The following FNTB variants were observed in gnomAD, a reference collection of about 807,000 sequenced individuals.
FNTB encodes the protein protein farnesyltransferase subunit beta.
In FNTB, 27 loss-of-function variants were observed where a neutral mutation model predicts 59.4. That is an observed-to-expected ratio of 0.45 (90% CI 0.34 to 0.63). FNTB has a LOEUF of 0.63. FNTB is among the 20% of genes least tolerant of loss of function. FNTB has a pLI of 0.02. For synonymous variants in FNTB, 230 were observed against 220.7 expected (o/e 1.04, Z -0.37); for missense variants, 449 against 559.6 (o/e 0.80, Z 1.99).
intron 2 of FNTB, among the ~76,000 whole-genome samples, chr14:65,008,294 G>T (rs2061627405): frequency 6.6e-6 from 1 of 152,180 alleles, no homozygotes; most frequent in South Asian, 2.1e-4. Context: ...CCAGGTTTGG[G>T]GGGAGGAAGT....
At chr14:65,000,155 T>C (rs1037732779) in intron 1 of FNTB, among the ~76,000 whole-genome samples, 3 of 152,174 alleles carry the variant, frequency 2.0e-5, no homozygotes, top group African/African-American at 7.2e-5. Context: ...CGTATGGATT[T>C]GAATAGGCTT....
chr14:65,021,569 A>G (rs2061886523), intron 4 of FNTB, among the ~76,000 whole-genome samples: 1 of 152,080 alleles, frequency 6.6e-6, no homozygotes, highest in African/African-American at 2.4e-5. Context: ...GCTGCTAAAT[A>G]TCCTCTACAG....
intron 1 of FNTB, among the ~76,000 whole-genome samples, chr14:65,002,551 G>A (rs1420548502): frequency 6.6e-6 from 1 of 152,162 alleles, no homozygotes; most frequent in African/African-American, 2.4e-5. Flanking sequence ...GGAGGTTGCG[G>A]TGAGCCGAGA....
chr14:65,042,612 G>A (rs1379427538), intron 8 of FNTB, among the ~76,000 whole-genome samples: 1 of 152,226 alleles, frequency 6.6e-6, no homozygotes, highest in African/African-American at 2.4e-5. Context: ...ATGGTCTGGG[G>A]GTTAGGGACC....
chr14:65,028,237 C>T lies in FNTB; in HGVS notation c.605+456C>T, dbSNP rs987076504. Among the ~76,000 whole-genome samples, 1 of 152,132 alleles carries T rather than the reference C, an allele frequency of 6.6e-6. No individual in the cohort carries two copies. Among genetic ancestry groups the T allele is most frequent in the Non-Finnish European group, 1.5e-5 (1 of 68,024 alleles). On this transcript the variant is annotated intron_variant, in intron 6 of 11. Transcript: ENST00000246166. This position sits in a 1 kb window ranked among gnomAD's most constrained non-coding sequence, Gnocchi z 4.4. ...CACATGAGAGTTTTTCTGGGAGGTG[C>T]AGAGAGCCTTGTGGGCCGGGAGAGT...
chr14:65,022,393 T>C (rs575729567), intron 4 of FNTB, among the ~76,000 whole-genome samples: 1 of 152,188 alleles, frequency 6.6e-6, no homozygotes, highest in Non-Finnish European at 1.5e-5. Context: ...GCTGAAGTTT[T>C]TTATGTAACC....
chr14:65,056,175 T>G (rs1461119941), intron 11 of FNTB, among the ~76,000 whole-genome samples: 1 of 152,258 alleles, frequency 6.6e-6, no homozygotes, highest in African/African-American at 2.4e-5. Context: ...TACCAGTCAT[T>G]CTGCATTGCT....
chr14:65,010,744 T>TG (rs2061669388), intron 2 of FNTB, among the ~76,000 whole-genome samples: 1 of 152,132 alleles, frequency 6.6e-6, no homozygotes, highest in South Asian at 2.1e-4. Context: ...GATCCTTGTT[T>TG]TTTTGTTTGT....
intron 2 of FNTB, among the ~76,000 whole-genome samples, chr14:65,008,338 G>A (rs778061200): frequency 1.3e-5 from 2 of 152,214 alleles, no homozygotes; most frequent in Non-Finnish European, 2.9e-5. Flanking sequence ...CTGCCTTTGT[G>A]TGATCCTCTC....
In FNTB at chr14:65,028,995, A is replaced by G. The variant is rs909375711; in HGVS notation, c.605+1214A>G. 9.9e-5 allele frequency among the ~76,000 whole-genome samples: 15 copies of G among 152,150 alleles called. No homozygotes were observed. Among genetic ancestry groups the G allele is most frequent in the African/African-American group, 3.6e-4 (15 of 41,450 alleles). The stretch of plus-strand genomic sequence containing the variant: ...CCTTTTGCAGCTGTGATTATTTGCT[A>G]TCTTATTCATTCCAGCACTTTTTTT... On this transcript the variant is annotated intron_variant, in intron 6 of 11. Transcript: ENST00000246166. The surrounding 1 kb of genome is among the most constrained non-coding windows in gnomAD (Gnocchi z 4.4).
intron 2 of FNTB, among the ~76,000 whole-genome samples, chr14:65,005,191 T>C (rs2061561549): frequency 6.6e-6 from 1 of 152,240 alleles, no homozygotes; most frequent in South Asian, 2.1e-4. Context: ...TCCTGTGAGG[T>C]CAGGTATTTT....
At chr14:65,000,905 T>G (rs948272320) in intron 1 of FNTB, among the ~76,000 whole-genome samples, 6 of 151,072 alleles carry the variant, frequency 4.0e-5, no homozygotes, top group African/African-American at 1.5e-4. Flanking sequence ...ATTCCTAAAT[T>G]GTTTACCAAG....
intron 7 of FNTB, among the ~76,000 whole-genome samples, chr14:65,034,353 T>C (rs148676846): frequency 2.0e-5 from 3 of 152,260 alleles, no homozygotes; most frequent in African/African-American, 4.8e-5. Flanking sequence ...CATGAAGTAT[T>C]GTACTCCAAC....
rs1034900425 is a variant in FNTB at position 65,028,551 on chromosome 14, A to T, written c.605+770A>T. Among the ~76,000 whole-genome samples, 2 of 152,242 alleles carry T rather than the reference A, an allele frequency of 1.3e-5. No homozygotes were observed. Among genetic ancestry groups the T allele is most frequent in the African/African-American group, 4.8e-5 (2 of 41,456 alleles). ...TTTGCTTCTACACAAGTTGATTAAT[A>T]GTCTGGCTTAAGCATCTGGTTTAAC... On this transcript the variant is annotated intron_variant, in intron 6 of 11. Coordinates refer to ENST00000246166, the MANE Select transcript of FNTB (RefSeq NM_002028.4). This position sits in a 1 kb window ranked among gnomAD's most constrained non-coding sequence, Gnocchi z 4.4.
chr14:65,004,582 G>C (rs2061552867), intron 2 of FNTB, among the ~76,000 whole-genome samples: 1 of 152,186 alleles, frequency 6.6e-6, no homozygotes, highest in African/African-American at 2.4e-5. Context: ...AAGATGGAGA[G>C]AGGAATTCCA....
intron 11 of FNTB, among the ~76,000 whole-genome samples, chr14:65,060,216 ACAAT>A (rs2062830941): frequency 6.7e-6 from 1 of 148,996 alleles, no homozygotes; most frequent in African/African-American, 2.4e-5. Context: ...AAAATGAAAA[ACAAT>A]CATATCACTA....
At chr14:65,041,122 A>G (rs991650224) in intron 8 of FNTB, among the ~76,000 whole-genome samples, 2 of 152,128 alleles carry the variant, frequency 1.3e-5, no homozygotes, top group African/African-American at 2.4e-5. Flanking sequence ...AGCTTTTTAC[A>G]TAGTGTGTAG....
intron 1 of FNTB, among the ~76,000 whole-genome samples, chr14:65,002,902 C>G (rs72728234): frequency 1.5e-3 from 225 of 152,238 alleles, no homozygotes; most frequent in Non-Finnish European, 2.3e-3. Context: ...ACTTCAAAGT[C>G]TGAAAAACAT....
At position 65,028,205 on chromosome 14, in the gene FNTB, C is replaced by T. The variant is rs1035233451; in HGVS notation, c.605+424C>T. ...GAGAATGTCTAATCCCTGAGGTCCTCCTGAGGCACATGAGAGTTTTTCTGG... is the reference window on the plus strand; with the variant it reads ...GAGAATGTCTAATCCCTGAGGTCCTTCTGAGGCACATGAGAGTTTTTCTGG... On this transcript the variant is annotated intron_variant, in intron 6 of 11. Transcript: ENST00000246166. This position sits in a 1 kb window ranked among gnomAD's most constrained non-coding sequence, Gnocchi z 4.4. Among the ~76,000 whole-genome samples the T allele has an allele frequency of 6.6e-6, 1 of 152,164 alleles. No individual in the cohort carries two copies. Among genetic ancestry groups the T allele is most frequent in the African/African-American group, 2.4e-5 (1 of 41,430 alleles).
Sources: allele counts gnomAD v4.1 joint callset (sites outside exome capture counted in the v4.1 genomes callset), GRCh38; gene constraint gnomAD v4.1.1; non-coding constraint Gnocchi (gnomAD v3.1); transcripts MANE v1.5; gene names NCBI Gene and HGNC (gene_info 2026-07-23, HGNC 2026-07-21).